The following ST7L variants were observed in gnomAD, a reference collection of about 807,000 sequenced individuals.
ST7L encodes the protein suppression of tumorigenicity 7 like.
Under a neutral mutation model 72.5 loss-of-function variants are expected in ST7L, and 57 were observed. The ratio of observed to expected loss-of-function variants is 0.79; its 90% CI spans 0.64 to 0.98. The LOEUF (loss-of-function observed/expected upper bound fraction) is 0.98. ST7L is among the 50% of genes least tolerant of loss of function. The pLI is 0.00. For synonymous variants in ST7L, 221 were observed against 240.9 expected, an observed-to-expected ratio of 0.92 and a Z score of 0.77; for missense variants, 576 against 672.2, an observed-to-expected ratio of 0.86 and a Z score of 1.58.
chr1:112,563,423 A>G (rs1660490382), intron 11 of ST7L, among the ~76,000 whole-genome samples: 1 of 152,260 alleles, frequency 6.6e-6, no homozygotes, highest in Non-Finnish European at 1.5e-5. Context: ...TGCTAAGTCT[A>G]CAGACAAAGA....
intron 14 of ST7L, among the ~76,000 whole-genome samples, chr1:112,532,036 C>A (rs1438769400): frequency 6.6e-6 from 1 of 152,060 alleles, no homozygotes; most frequent in Non-Finnish European, 1.5e-5. Context: ...TCACCAAGGG[C>A]AAATTAGTAA....
rs200300789 is a variant in ST7L at position 112,568,883 on chromosome 1, TATATAA to T, written c.1245+8097_1245+8102del. Among the ~76,000 whole-genome samples the T allele has an allele frequency of 6.0e-3, 773 of 129,652 alleles. 13 individuals are homozygous for T. Among genetic ancestry groups the T allele is most frequent in the African/African-American group, 0.022 (741 of 33,954 alleles). The allele number at this position is 129,652 out of a possible 152,430, so 85.1% of individuals were successfully genotyped here. ...ATAAATATATATATATATATATATA[TATATAA>T]AACAAAAATTTAAAAATATGCAACT... On this transcript the variant is annotated intron_variant, in intron 11 of 14. Transcript: ENST00000358039.
chr1:112,571,966 T>C (rs1423952902), intron 11 of ST7L, among the ~76,000 whole-genome samples: 1 of 152,210 alleles, frequency 6.6e-6, no homozygotes, highest in African/African-American at 2.4e-5. Context: ...TCTGAAATAA[T>C]AGGACTTCCA....
intron 2 of ST7L, among the ~76,000 whole-genome samples, chr1:112,611,867 G>T (rs998574900): frequency 1.3e-5 from 2 of 149,878 alleles, no homozygotes; most frequent in East Asian, 4.1e-4. Flanking sequence ...TACTCAGGAA[G>T]TTGAAGTGGG....
intron 11 of ST7L, among the ~76,000 whole-genome samples, chr1:112,557,126 A>G (rs1261209142): frequency 6.6e-6 from 1 of 152,076 alleles, no homozygotes; most frequent in East Asian, 1.9e-4. Context: ...TTCACCCATT[A>G]AAGTATACAA....
At chr1:112,541,904 T>C (rs957865236) in intron 14 of ST7L, 47 bp downstream of exon 14, 28 of 1,602,774 alleles carry the variant, frequency 1.7e-5, no homozygotes, top group Non-Finnish European at 2.4e-5. Flanking sequence ...GATGGTTTCT[T>C]GTGTGTTTTA....
rs576062986 is a variant in ST7L at position 112,530,691 on chromosome 1, A to C, written c.1630-4580T>G. Among the ~76,000 whole-genome samples, 11 of 152,334 alleles carry C rather than the reference A, an allele frequency of 7.2e-5. No homozygotes were observed. In the East Asian group the frequency reaches 2.1e-3, roughly 29 times the overall value. ...CGGCCTCCCAAAGTGTTGGGATTAC[A>C]GGAGTGAGCCACCGCACCCAGCCTC... is the stretch of plus-strand genomic sequence containing the variant. On this transcript the variant is annotated intron_variant, in intron 14 of 14. Coordinates refer to ENST00000358039, the MANE Select transcript of ST7L (RefSeq NM_017744.5).
chr1:112,602,995 G>C (rs1667666518), intron 3 of ST7L, among the ~76,000 whole-genome samples: 1 of 148,098 alleles, frequency 6.8e-6, no homozygotes, highest in African/African-American at 2.4e-5. Context: ...TGGGATTATA[G>C]GCAGCCACCG....
At chr1:112,585,727 C>T (rs1384551264) in intron 6 of ST7L, among the ~76,000 whole-genome samples, 5 of 139,530 alleles carry the variant, frequency 3.6e-5, no homozygotes, top group Non-Finnish European at 3.1e-5. Context: ...AGTGAGACTC[C>T]GTCTCAAAAA....
intron 2 of ST7L, among the ~76,000 whole-genome samples, chr1:112,615,786 C>T (rs977888778): frequency 2.6e-5 from 4 of 152,178 alleles, no homozygotes; most frequent in East Asian, 3.9e-4. Flanking sequence ...GTCGCCCAGG[C>T]TGGAGTGCAG....
chr1:112,600,360 T>G (rs1486906140), intron 4 of ST7L, among the ~76,000 whole-genome samples: 1 of 152,106 alleles, frequency 6.6e-6, no homozygotes, highest in East Asian at 1.9e-4. Context: ...TTAAAAAAAT[T>G]AGCTGGATGT....
At chr1:112,577,806 A>C (rs571545717) in intron 10 of ST7L, among the ~76,000 whole-genome samples, 25 of 152,306 alleles carry the variant, frequency 1.6e-4, no homozygotes, top group African/African-American at 6.0e-4. Flanking sequence ...ATAAAAATCT[A>C]AGGTGAAAGA....
intron 11 of ST7L, among the ~76,000 whole-genome samples, chr1:112,559,105 TCCGAAGCCTTA>T (rs1659664578): frequency 6.6e-6 from 1 of 152,186 alleles, no homozygotes; most frequent in Non-Finnish European, 1.5e-5. Context: ...ATTTTAGAAC[TCCGAAGCCTTA>T]AACCCCAACA....
In ST7L at chr1:112,535,394, T is replaced by G. The variant is rs200132869; in HGVS notation, c.1629+6557A>C. ...CTCCAAATAATAATACTAATAATAATAAGAAGAAGAAGAAGAAGAAGAAGA... is the reference window on the plus strand; with the variant it reads ...CTCCAAATAATAATACTAATAATAAGAAGAAGAAGAAGAAGAAGAAGAAGA... On this transcript the variant is annotated intron_variant, in intron 14 of 14. Coordinates refer to ENST00000358039, the MANE Select transcript of ST7L (RefSeq NM_017744.5). Among the ~76,000 whole-genome samples, 1,142 of 149,188 alleles carry G rather than the reference T, an allele frequency of 7.7e-3. 18 individuals carry two copies. The highest frequency in any genetic ancestry group is 0.021 in the East Asian group (104 of 5,056).
At chr1:112,583,121 T>C (rs145929369) in intron 7 of ST7L, among the ~76,000 whole-genome samples, 351 of 152,314 alleles carry the variant, frequency 2.3e-3, no homozygotes, top group African/African-American at 7.8e-3. Flanking sequence ...ATTTGTGTTA[T>C]AAAAACTGTG....
intron 13 of ST7L, among the ~76,000 whole-genome samples, chr1:112,549,098 T>C (rs1324537439): frequency 6.6e-6 from 1 of 152,032 alleles, no homozygotes; most frequent in East Asian, 1.9e-4. Flanking sequence ...AATCGTCATC[T>C]AAATAATATT....
At chr1:112,568,839 G>GT (rs1226028850) in intron 11 of ST7L, among the ~76,000 whole-genome samples, 1 of 113,800 alleles carries the variant, frequency 8.8e-6, no homozygotes, top group African/African-American at 3.2e-5. Context: ...GGGAGACCCT[G>GT]TTTTTTATAA....
At chr1:112,571,933 C>A (rs951061578) in intron 11 of ST7L, among the ~76,000 whole-genome samples, 8 of 152,182 alleles carry the variant, frequency 5.3e-5, no homozygotes, top group Non-Finnish European at 1.2e-4. Context: ...ATATATGGGA[C>A]CTACGGCCTT....
intron 13 of ST7L, among the ~76,000 whole-genome samples, chr1:112,549,390 CAAAT>C (rs1657719672): frequency 1.3e-5 from 2 of 152,182 alleles, no homozygotes; most frequent in South Asian, 4.2e-4. Flanking sequence ...GAATTGGTCT[CAAAT>C]AAATAAATAA....
Sources: allele counts gnomAD v4.1 joint callset (sites outside exome capture counted in the v4.1 genomes callset), GRCh38; gene constraint gnomAD v4.1.1; transcripts MANE v1.5; gene names NCBI Gene and HGNC (gene_info 2026-07-23, HGNC 2026-07-21).